Variants in NELL2 observed in about 807,000 individuals in gnomAD.
The protein encoded by NELL2 is neural EGFL like 2.
A neutral mutation model predicts 109.6 loss-of-function variants in NELL2; 41 were observed. The ratio of observed to expected loss-of-function variants is 0.37; its 90% confidence interval spans 0.29 to 0.49. The LOEUF is 0.49. Ranked by LOEUF, NELL2 falls within the 20% of genes least tolerant of loss-of-function variation. NELL2 has a pLI of 0.98. For missense variants in NELL2, 900 were observed against 1,008.3 expected (o/e 0.89, Z 1.45); for synonymous variants, 355 against 344.7 (o/e 1.03, Z -0.33).
intron 1 of NELL2, among the ~76,000 whole-genome samples, chr12:44,911,690 T>A (rs1386329273): frequency 6.6e-6 from 1 of 151,654 alleles, no homozygotes; most frequent in African/African-American, 2.4e-5. Flanking sequence ...GAAATAAAAA[T>A]GAGTAAAAGA....
At chr12:44,529,988 G>C (rs548505590) in intron 16 of NELL2, among the ~76,000 whole-genome samples, 1 of 152,292 alleles carries the variant, frequency 6.6e-6, no homozygotes. Context: ...TTTGAACACT[G>C]ATAGGAATGA....
intron 9 of NELL2, among the ~76,000 whole-genome samples, chr12:44,753,481 C>T (rs1196620891): frequency 6.6e-6 from 1 of 152,134 alleles, no homozygotes; most frequent in Admixed American, 6.5e-5. Context: ...GTCAATGTGG[C>T]TCAAAACGCA....
intron 12 of NELL2, among the ~76,000 whole-genome samples, chr12:44,695,609 G>A (rs1592352297): frequency 6.6e-6 from 1 of 152,136 alleles, no homozygotes; most frequent in East Asian, 1.9e-4. Flanking sequence ...AAGTGGTAAA[G>A]AGAAAAAGTC....
chr12:44,665,049 A>G (rs191638156), intron 13 of NELL2, among the ~76,000 whole-genome samples: 131 of 152,202 alleles, frequency 8.6e-4, no homozygotes, highest in African/African-American at 2.7e-3. Flanking sequence ...CTTCTCAGAC[A>G]TGTGAAGAAG....
In NELL2 at chr12:44,540,781, C is replaced by CAAAAAAAAAAAAAAAAAAAAAAAAAA. The variant is rs57205620; in HGVS notation, c.1664-8061_1664-8060insTTTTTTTTTTTTTTTTTTTTTTTTTT. 4.6e-4 allele frequency among the ~76,000 whole-genome samples: 23 copies of CAAAAAAAAAAAAAAAAAAAAAAAAAA among 49,748 alleles called. 7 individuals carry two copies. Among genetic ancestry groups the CAAAAAAAAAAAAAAAAAAAAAAAAAA allele is most frequent in the African/African-American group, 6.7e-4 (8 of 11,988 alleles). The allele number at this position is 49,748 out of a possible 152,430, so 32.6% of individuals were successfully genotyped here. ...AGCTTACTAATGTAAGTCTGCAAGC[C>CAAAAAAAAAAAAAAAAAAAAAAAAAA]AAAAAAAAAAAAAAAAAGCCCATCC... On this transcript the variant is annotated intron_variant, in intron 15 of 19. Coordinates refer to ENST00000429094, the MANE Select transcript of NELL2 (RefSeq NM_001145108.2).
chr12:44,669,606 T>C (rs1171009811), intron 12 of NELL2, among the ~76,000 whole-genome samples: 1 of 151,664 alleles, frequency 6.6e-6, no homozygotes, highest in Non-Finnish European at 1.5e-5. Context: ...AAATAAAAAA[T>C]GTAATAGCTT....
intron 13 of NELL2, among the ~76,000 whole-genome samples, chr12:44,616,193 C>T (rs550127184): frequency 2.0e-5 from 3 of 152,254 alleles, no homozygotes; most frequent in South Asian, 2.1e-4. Context: ...ACATAATATA[C>T]CTTCATAGTC....
chr12:44,711,209 T>G, intron 11 of NELL2, 83 bp downstream of exon 11: 79 of 1,006,712 alleles, frequency 7.8e-5, no homozygotes, highest in Middle Eastern at 2.1e-4. Context: ...AATTTGCTTA[T>G]GAGAATTTCT....
intron 15 of NELL2, among the ~76,000 whole-genome samples, chr12:44,602,386 A>G (rs1458126218): frequency 2.6e-5 from 4 of 152,204 alleles, no homozygotes; most frequent in Admixed American, 2.6e-4. Context: ...TGAATTTAAT[A>G]GGATAGTAAA....
intron 12 of NELL2, among the ~76,000 whole-genome samples, chr12:44,698,462 A>G (rs1025932835): frequency 6.6e-6 from 1 of 152,136 alleles, no homozygotes; most frequent in Admixed American, 6.5e-5. Flanking sequence ...AAGTAGAATA[A>G]ATGATGTTTT....
At position 44,752,689 on chromosome 12, in the gene NELL2, T is replaced by A. The variant is rs1229789863; in HGVS notation, c.994+22058A>T. Among the ~76,000 whole-genome samples the A allele has an allele frequency of 3.3e-5, 5 of 152,152 alleles. No homozygotes were observed. The East Asian group carries it at 9.6e-4, about 29-fold the overall frequency. ...ATACATAATATATTCCCTAAATATG[T>A]TCCCCAACTTCCTACCTTTAGACTG... On this transcript the variant is annotated intron_variant, in intron 9 of 19. Transcript: ENST00000429094.
intron 12 of NELL2, among the ~76,000 whole-genome samples, chr12:44,697,471 T>C (rs1300998988): frequency 2.0e-5 from 3 of 152,090 alleles, no homozygotes; most frequent in South Asian, 2.1e-4. Context: ...ATGGGGAAAA[T>C]GTGCAAACTC....
intron 12 of NELL2, among the ~76,000 whole-genome samples, chr12:44,684,818 G>A (rs1398282924): frequency 6.6e-6 from 1 of 152,164 alleles, no homozygotes; most frequent in Non-Finnish European, 1.5e-5. Context: ...TACATTTGCT[G>A]AGGAGTGCTT....
At chr12:44,841,134 T>C (rs1351826704) in intron 2 of NELL2, among the ~76,000 whole-genome samples, 3 of 152,220 alleles carry the variant, frequency 2.0e-5, no homozygotes, top group African/African-American at 7.2e-5. Flanking sequence ...AGAAACCTTT[T>C]AGTTAAAAGT....
chr12:44,898,358 C>T (rs1040800045), intron 1 of NELL2, among the ~76,000 whole-genome samples: 44 of 152,232 alleles, frequency 2.9e-4, no homozygotes, highest in African/African-American at 1.0e-3. Context: ...AAGAGAGCTC[C>T]GGCTGGCATC....
At chr12:44,573,888 G>T (rs1016260464) in intron 15 of NELL2, among the ~76,000 whole-genome samples, 3 of 152,136 alleles carry the variant, frequency 2.0e-5, no homozygotes, top group Admixed American at 6.5e-5. Context: ...CTAGGAGATT[G>T]CTCAACATGG....
intron 15 of NELL2, among the ~76,000 whole-genome samples, chr12:44,590,904 A>G (rs1482484867): frequency 1.3e-5 from 2 of 151,988 alleles, no homozygotes; most frequent in Non-Finnish European, 2.9e-5. Context: ...ATACAAAAAA[A>G]AAAACCAACC....
intron 1 of NELL2, among the ~76,000 whole-genome samples, chr12:44,907,734 T>C (rs1945735315): frequency 6.6e-6 from 1 of 152,160 alleles, no homozygotes; most frequent in East Asian, 1.9e-4. Context: ...AAATGAAAGA[T>C]ACAACAGTAC....
At chr12:44,848,361 T>C (rs1425071990) in intron 2 of NELL2, among the ~76,000 whole-genome samples, 2 of 152,076 alleles carry the variant, frequency 1.3e-5, no homozygotes, top group Admixed American at 6.6e-5. Context: ...GGAGCCAAGA[T>C]AAGGCAGTCA....
Sources: allele counts gnomAD v4.1 joint callset (sites outside exome capture counted in the v4.1 genomes callset), GRCh38; gene constraint gnomAD v4.1.1; transcripts MANE v1.5; gene names NCBI Gene and HGNC (gene_info 2026-07-23, HGNC 2026-07-21).